CLIC5: variants seen among roughly 807,000 people sequenced by gnomAD.
CLIC5 encodes CLIC family member 5.
Under a neutral mutation model 24.7 loss-of-function variants are expected in CLIC5, and 20 were observed. The ratio of observed to expected loss-of-function variants is 0.81; its 90% CI spans 0.57 to 1.18. The LOEUF (loss-of-function observed/expected upper bound fraction) is 1.18. Among genes scored for constraint, CLIC5 ranks in the 50% most tolerant of loss-of-function variants. The pLI is 0.00. For missense variants in CLIC5, 341 were observed against 326.1 expected, an observed-to-expected ratio of 1.05 and a Z score of -0.35; for synonymous variants, 159 against 135.6, an observed-to-expected ratio of 1.17 and a Z score of -1.20.
intron 5 of CLIC5, among the ~76,000 whole-genome samples, chr6:45,913,515 T>G (rs868844918): frequency 1.3e-5 from 2 of 152,170 alleles, no homozygotes; most frequent in Admixed American, 6.5e-5. Context: ...AGAGGGCTCC[T>G]CGTTCTCAGA....
intron 1 of CLIC5, among the ~76,000 whole-genome samples, chr6:45,974,088 T>C (rs1382604488): frequency 6.6e-6 from 1 of 152,174 alleles, no homozygotes; most frequent in African/African-American, 2.4e-5. Context: ...AAGAACAGTG[T>C]GATCCCTTTT....
intron 1 of CLIC5, among the ~76,000 whole-genome samples, chr6:46,065,049 A>G (rs1049103331): frequency 2.0e-5 from 3 of 152,208 alleles, no homozygotes; most frequent in Non-Finnish European, 4.4e-5. Context: ...TGTCTTGACT[A>G]TATAAAGAGG....
intron 1 of CLIC5, among the ~76,000 whole-genome samples, chr6:46,030,819 C>G (rs796961167): frequency 1.3e-5 from 2 of 152,224 alleles, no homozygotes; most frequent in African/African-American, 4.8e-5. Flanking sequence ...CTGTGCAAAC[C>G]TCTACTCTTG....
upstream of CLIC5, among the ~76,000 whole-genome samples, chr6:46,019,722 C>T (rs114272305): frequency 0.039 from 5,671 of 144,238 alleles, 165 homozygotes; most frequent in Non-Finnish European, 0.065. Flanking sequence ...AGAAAGCTAA[C>T]CTCTAAATTA....
At chr6:45,908,700 T>C (rs1762728981) in intron 5 of CLIC5, among the ~76,000 whole-genome samples, 1 of 152,204 alleles carries the variant, frequency 6.6e-6, no homozygotes, top group Non-Finnish European at 1.5e-5. Context: ...AGCATGTGGT[T>C]GATCTTGGAG....
chr6:46,114,988 C>A, the CLIC5 span, among the ~76,000 whole-genome samples: 1 of 152,168 alleles, frequency 6.6e-6, no homozygotes, highest in Admixed American at 6.5e-5. Context: ...GATATCTAAG[C>A]ACTGACGATG....
At chr6:45,970,214 C>A (rs1004795426) in intron 1 of CLIC5, among the ~76,000 whole-genome samples, 28 of 152,156 alleles carry the variant, frequency 1.8e-4, no homozygotes, top group African/African-American at 5.6e-4. Flanking sequence ...TTCTTCTGAG[C>A]CCCTATAGAA....
chr6:45,908,549 T>C (rs1762724606), intron 5 of CLIC5, among the ~76,000 whole-genome samples: 1 of 152,062 alleles, frequency 6.6e-6, no homozygotes, highest in African/African-American at 2.4e-5. Context: ...AATTCAGGAG[T>C]GAGTTGTTTA....
In CLIC5 at chr6:45,898,594, G is replaced by T. The variant is rs1453074955; in HGVS notation, c.*4494C>A. ...TAAAAGGCATTTTACATTTATTAAGGCTTGAAAGCAAGTCCTGTTATTCAT... is the reference window on the plus strand; with the variant it reads ...TAAAAGGCATTTTACATTTATTAAGTCTTGAAAGCAAGTCCTGTTATTCAT... On this transcript the variant is annotated 3_prime_UTR_variant, in exon 6 of 6. Transcript: ENST00000339561. 1 of 152,580 alleles carries T rather than the reference G, an allele frequency of 6.6e-6. No individual in the cohort carries two copies. Among genetic ancestry groups the T allele is most frequent in the East Asian group, 1.9e-4 (1 of 5,200 alleles). 9.5% of individuals were successfully genotyped at this position (152,580 alleles called of 1,614,324 possible). A position where few individuals can be genotyped will look rare whatever the true frequency, so the allele number is the denominator to read the frequency against.
intron 1 of CLIC5, among the ~76,000 whole-genome samples, chr6:45,971,895 G>A (rs1765212401): frequency 6.6e-6 from 1 of 152,158 alleles, no homozygotes; most frequent in African/African-American, 2.4e-5. Context: ...TTTCCCCTAT[G>A]TCCTCCTAGT....
the CLIC5 span, among the ~76,000 whole-genome samples, chr6:46,113,139 T>A: frequency 0.32 from 47,861 of 151,908 alleles, 7,969 homozygotes; most frequent in Middle Eastern, 0.44. Context: ...GGAACTGAGG[T>A]CTGGGAAATA....
intron 4 of CLIC5, among the ~76,000 whole-genome samples, chr6:45,921,925 G>A (rs963173139): frequency 4.6e-5 from 7 of 152,192 alleles, no homozygotes; most frequent in Non-Finnish European, 1.5e-5. Context: ...TGTCAAATTG[G>A]CCCTGGGTGT....
At chr6:46,071,655 CT>C (rs1762601413) in intron 1 of CLIC5, among the ~76,000 whole-genome samples, 1 of 152,076 alleles carries the variant, frequency 6.6e-6, no homozygotes, top group Non-Finnish European at 1.5e-5. Flanking sequence ...TTAGTTCAGC[CT>C]TTGTGGAAAG....
At position 46,022,899 on chromosome 6, in the gene CLIC5, T is replaced by G. The variant is rs569962568; in HGVS notation, c.540+56804A>C. Among the ~76,000 whole-genome samples the G allele has an allele frequency of 3.3e-4, 51 of 152,302 alleles. No homozygotes were observed. The Middle Eastern group carries it at 0.01, about 30-fold the overall frequency. ...GCAGTCTTAGTTCCTGTATTATTCC[T>G]TCCGGGATTGAGTTATGGCTTTTCA... On this transcript the variant is annotated intron_variant, in intron 1 of 5. Transcript: ENST00000185206.
In CLIC5 at chr6:45,911,874, C is replaced by A. The variant is rs552422362; in HGVS notation, c.588+2354G>T. ...CTGCTGAGCTGGTCATTTCTTCACACATTGGCTTGACTTTGGGAGATGAGA... is the reference window on the plus strand; with the variant it reads ...CTGCTGAGCTGGTCATTTCTTCACAAATTGGCTTGACTTTGGGAGATGAGA... On this transcript the variant is annotated intron_variant, in intron 5 of 5. Transcript: ENST00000339561. 4 of 985,580 alleles carry A rather than the reference C, an allele frequency of 4.1e-6. No homozygotes were observed. In the South Asian group the frequency reaches 1.4e-4, roughly 35 times the overall value. The allele number at this position is 985,580 out of a possible 1,614,324, so 61.1% of individuals were successfully genotyped here.
chr6:46,129,677 C>G, the CLIC5 span: 1 of 152,214 alleles, frequency 6.6e-6, no homozygotes, highest in Non-Finnish European at 1.5e-5. Flanking sequence ...CTGCCAGGTG[C>G]ACATTAACTA....
the CLIC5 span, among the ~76,000 whole-genome samples, chr6:46,126,580 G>A: frequency 6.6e-6 from 1 of 152,144 alleles, no homozygotes; most frequent in Non-Finnish European, 1.5e-5. Context: ...TGGAGTAGGT[G>A]AAAAGTTTTC....
At chr6:45,982,355 T>C (rs1765595607) in intron 1 of CLIC5, among the ~76,000 whole-genome samples, 1 of 152,142 alleles carries the variant, frequency 6.6e-6, no homozygotes, top group African/African-American at 2.4e-5. Context: ...GTGGATGAGT[T>C]CATGATATTA....
At chr6:45,895,121 AG>A (rs1267734169), downstream of CLIC5, among the ~76,000 whole-genome samples, 1 of 152,206 alleles carries the variant, frequency 6.6e-6, no homozygotes, top group African/African-American at 2.4e-5. Flanking sequence ...AAGGATTACC[AG>A]TATAATTTAT....
Sources: allele counts gnomAD v4.1 joint callset (sites outside exome capture counted in the v4.1 genomes callset), GRCh38; gene constraint gnomAD v4.1.1; transcripts MANE v1.5; gene names NCBI Gene and HGNC (gene_info 2026-07-23, HGNC 2026-07-21).